Variants in MNAT1 observed in about 807,000 individuals in gnomAD.
MNAT1 encodes the protein MNAT1 component of CDK activating kinase.
Under a neutral mutation model 42.0 loss-of-function variants are expected in MNAT1, and 43 were observed. The observed-to-expected ratio is 1.02, with a 90% CI of 0.80 to 1.32. The LOEUF is 1.32. MNAT1 is among the 40% of genes most tolerant of loss of function. MNAT1 has a pLI of 0.00. For synonymous variants in MNAT1, 118 were observed against 120.0 expected (o/e 0.98, Z 0.11); for missense variants, 306 against 350.4 (o/e 0.87, Z 1.01).
At chr14:60,948,318 C>T (rs769267944) in intron 7 of MNAT1, among the ~76,000 whole-genome samples, 5 of 152,086 alleles carry the variant, frequency 3.3e-5, no homozygotes, top group Non-Finnish European at 5.9e-5. Context: ...GTAGTCCCAG[C>T]TCCTCAGGAG....
chr14:60,830,431 T>C (rs1266577158), intron 6 of MNAT1, among the ~76,000 whole-genome samples: 1 of 152,204 alleles, frequency 6.6e-6, no homozygotes, highest in East Asian at 1.9e-4. Context: ...AAATTTAGTA[T>C]TTGTAAATGT....
chr14:60,799,716 A>T (rs71416075), intron 3 of MNAT1, among the ~76,000 whole-genome samples: 1 of 151,454 alleles, frequency 6.6e-6, no homozygotes, highest in African/African-American at 2.4e-5. Flanking sequence ...ATATATATAT[A>T]CACACACACA....
intron 7 of MNAT1, among the ~76,000 whole-genome samples, chr14:60,925,948 A>G (rs571349977): frequency 6.6e-6 from 1 of 152,336 alleles, no homozygotes; most frequent in Admixed American, 6.5e-5. Context: ...ACTCTGGATC[A>G]TAGAGTAGGT....
At chr14:60,869,796 A>G (rs2034290217) in intron 6 of MNAT1, among the ~76,000 whole-genome samples, 1 of 152,080 alleles carries the variant, frequency 6.6e-6, no homozygotes, top group South Asian at 2.1e-4. Flanking sequence ...TTTTATTGCC[A>G]TTTTCATTAA....
chr14:60,931,152 A>G (rs1173333377), intron 7 of MNAT1, among the ~76,000 whole-genome samples: 4 of 152,178 alleles, frequency 2.6e-5, no homozygotes, highest in Admixed American at 2.0e-4. Context: ...GGACTTGGCC[A>G]CTGACTTCAG....
At chr14:60,939,014 T>TTGCATAGAGGTGTTTATAGTATTCTC in intron 7 of MNAT1, among the ~76,000 whole-genome samples, 2 of 152,224 alleles carry the variant, frequency 1.3e-5, no homozygotes, top group Non-Finnish European at 2.9e-5. Context: ...TCTGATTTAT[T>TTGCATAGAGGTGTTTATAGTATTCTC]TGCATAGAGG....
rs1053259491 is a variant in MNAT1, at chr14:60,734,827, C to T, written c.-36C>T. On this transcript the variant is annotated 5_prime_UTR_variant, in exon 1 of 8. Coordinates refer to ENST00000261245, the MANE Select transcript of MNAT1 (RefSeq NM_002431.4). This position sits in a 1 kb window ranked among gnomAD's most constrained non-coding sequence, Gnocchi z 4.3. ...GGCTTGTAGGTGGCTCTGGCTGAAA[C>T]AGGCGCCTGCGAGAGTCTGTAGGAG... The T allele has an allele frequency of 1.2e-6, 2 of 1,606,340 alleles. No individual in the cohort carries two copies. Among genetic ancestry groups the T allele is most frequent in the African/African-American group, 1.3e-5 (1 of 74,784 alleles).
chr14:60,898,751 T>C (rs1217639503), intron 7 of MNAT1, among the ~76,000 whole-genome samples: 1 of 152,178 alleles, frequency 6.6e-6, no homozygotes, highest in African/African-American at 2.4e-5. Flanking sequence ...TGCAGAAGTT[T>C]TTAGTTTAAC....
intron 7 of MNAT1, among the ~76,000 whole-genome samples, chr14:60,961,939 A>G (rs2036601654): frequency 6.6e-6 from 1 of 152,182 alleles, no homozygotes. Context: ...TTTTTTAAGG[A>G]ATATTACCAA....
intron 1 of MNAT1, among the ~76,000 whole-genome samples, chr14:60,782,280 G>A (rs144507062): frequency 1.8e-3 from 268 of 152,184 alleles, no homozygotes; most frequent in Middle Eastern, 6.8e-3. Flanking sequence ...TTTCCAGGAA[G>A]TTCATTCTTT....
chr14:60,869,038 A>G (rs1330487942), intron 6 of MNAT1, among the ~76,000 whole-genome samples: 13 of 91,976 alleles, frequency 1.4e-4, no homozygotes, highest in Non-Finnish European at 7.6e-5. Context: ...ATATATATAT[A>G]TATTTTTTTT....
At chr14:60,905,006 G>T (rs992626243) in intron 7 of MNAT1, among the ~76,000 whole-genome samples, 1 of 24,140 alleles carries the variant, frequency 4.1e-5, no homozygotes, top group Non-Finnish European at 9.1e-5. Flanking sequence ...ACGGAGTCTC[G>T]CTCTGTTGCC....
chr14:60,908,002 A>G (rs1200918718), intron 7 of MNAT1, among the ~76,000 whole-genome samples: 2 of 152,160 alleles, frequency 1.3e-5, no homozygotes, highest in Admixed American at 6.5e-5. Flanking sequence ...CCAGGTGACT[A>G]TGAGCAGAGA....
chr14:60,797,942 TA>T, intron 2 of MNAT1, 144 bp from the exon 3 acceptor site: 1 of 457,384 alleles, frequency 2.2e-6, no homozygotes, highest in Non-Finnish European at 4.0e-6. Context: ...AAAATAAAAA[TA>T]AAAAAATAGA....
chr14:60,937,163 C>T (rs1298022532), intron 7 of MNAT1, among the ~76,000 whole-genome samples: 2 of 151,708 alleles, frequency 1.3e-5, no homozygotes, highest in African/African-American at 4.8e-5. Context: ...AAATTTTCTC[C>T]CATTCTGTAG....
chr14:60,762,020 A>G (rs2030621572), intron 1 of MNAT1, among the ~76,000 whole-genome samples: 3 of 152,218 alleles, frequency 2.0e-5, no homozygotes, highest in Non-Finnish European at 2.9e-5. Context: ...ATACATTGCA[A>G]CATTAAAAAA....
chr14:60,790,873 T>A (rs545227486), intron 1 of MNAT1, among the ~76,000 whole-genome samples: 1 of 152,198 alleles, frequency 6.6e-6, no homozygotes, highest in African/African-American at 2.4e-5. Flanking sequence ...TTTCTTTCTA[T>A]GTTCCTTCAT....
chr14:60,933,696 G>A (rs933676809), intron 7 of MNAT1, among the ~76,000 whole-genome samples: 3 of 152,108 alleles, frequency 2.0e-5, no homozygotes, highest in Non-Finnish European at 4.4e-5. Context: ...GCTATTGACA[G>A]TCTGAAGTCC....
At chr14:60,841,927 T>C (rs1292720044) in intron 6 of MNAT1, among the ~76,000 whole-genome samples, 1 of 152,246 alleles carries the variant, frequency 6.6e-6, no homozygotes, top group Non-Finnish European at 1.5e-5. Flanking sequence ...ATGAACTGTT[T>C]CTGTATGAGC....
Sources: gnomAD v4.1 joint callset for allele counts (sites outside exome capture counted in the v4.1 genomes callset) on GRCh38, gnomAD v4.1.1 for gene constraint, Gnocchi (gnomAD v3.1) non-coding constraint, MANE v1.5 for transcripts, NCBI Gene and HGNC (gene_info 2026-07-23, HGNC 2026-07-21) for gene names.